Variants in FARS2 observed in about 807,000 individuals in gnomAD.
FARS2 encodes phenylalanyl-tRNA synthetase 2, mitochondrial.
In FARS2, 40 loss-of-function variants were observed where a neutral mutation model predicts 46.4. That is an observed-to-expected ratio of 0.86 (90% confidence interval 0.67 to 1.12). The LOEUF (loss-of-function observed/expected upper bound fraction) is 1.12. Among genes scored for constraint, FARS2 ranks in the 50% most tolerant of loss-of-function variants. The probability of loss-of-function intolerance (pLI) is 0.00; values close to 1 mark genes in which losing one functional copy is unlikely to be tolerated. For missense variants in FARS2, 513 were observed against 567.9 expected (o/e 0.90, Z 0.98); for synonymous variants, 234 against 214.9 (o/e 1.09, Z -0.78).
At chr6:5,410,171 T>TTTTTTA (rs1761860788) in intron 3 of FARS2, among the ~76,000 whole-genome samples, 3 of 138,770 alleles carry the variant, frequency 2.2e-5, no homozygotes, top group South Asian at 2.3e-4. Flanking sequence ...TTTTTTTTTT[T>TTTTTTA]GAGATGGAGT....
At chr6:5,553,787 G>C (rs772563538) in intron 5 of FARS2, among the ~76,000 whole-genome samples, 1 of 152,114 alleles carries the variant, frequency 6.6e-6, no homozygotes, top group Non-Finnish European at 1.5e-5. Flanking sequence ...GGTCTGGGGG[G>C]GTGCCTGGGA....
chr6:5,377,085 T>G (rs901909968), intron 2 of FARS2, among the ~76,000 whole-genome samples: 4 of 152,202 alleles, frequency 2.6e-5, no homozygotes, highest in African/African-American at 9.6e-5. Flanking sequence ...TAGAAAACAT[T>G]TGAGACATTT....
At chr6:5,364,118 T>C (rs1234413381) in intron 1 of FARS2, among the ~76,000 whole-genome samples, 1 of 152,220 alleles carries the variant, frequency 6.6e-6, no homozygotes, top group East Asian at 1.9e-4. Context: ...AGTTCATCCG[T>C]TACCCGATCT....
chr6:5,305,375 A>G (rs532936122), intron 1 of FARS2, among the ~76,000 whole-genome samples: 49 of 152,244 alleles, frequency 3.2e-4, no homozygotes, highest in African/African-American at 1.2e-3. Context: ...GGAAAATACT[A>G]CTTTATCCTC....
intron 1 of FARS2, among the ~76,000 whole-genome samples, chr6:5,262,030 G>T (rs920684776): frequency 6.6e-6 from 1 of 152,166 alleles, no homozygotes; most frequent in African/African-American, 2.4e-5. Context: ...TACTGTGTTT[G>T]CAAAGCACTT....
chr6:5,522,756 G>A (rs564020778), intron 4 of FARS2, among the ~76,000 whole-genome samples: 1 of 152,192 alleles, frequency 6.6e-6, no homozygotes, highest in East Asian at 1.9e-4. Context: ...ATTTAACATT[G>A]GAAAGAAAGG....
intron 3 of FARS2, among the ~76,000 whole-genome samples, chr6:5,415,076 C>CA: frequency 6.6e-6 from 1 of 151,960 alleles, no homozygotes; most frequent in South Asian, 2.1e-4. Context: ...CTTGGCCTCC[C>CA]AAAATGCTGG....
intron 1 of FARS2, among the ~76,000 whole-genome samples, chr6:5,346,986 A>G (rs1275658050): frequency 6.6e-6 from 1 of 150,476 alleles, no homozygotes; most frequent in Non-Finnish European, 1.5e-5. Context: ...CAATCTTGGC[A>G]CACTGAAACC....
chr6:5,346,357 T>C (rs1241289302), intron 1 of FARS2, among the ~76,000 whole-genome samples: 5 of 152,188 alleles, frequency 3.3e-5, no homozygotes, highest in Admixed American at 3.3e-4. Context: ...AATTGCATCA[T>C]TGGAGTCATT....
At chr6:5,738,824 A>T (rs1761114036) in intron 6 of FARS2, among the ~76,000 whole-genome samples, 1 of 152,218 alleles carries the variant, frequency 6.6e-6, no homozygotes, top group African/African-American at 2.4e-5. Context: ...ACTTTAACCA[A>T]AGAGTTGCGT....
chr6:5,622,536 T>C (rs1775827023), intron 6 of FARS2, among the ~76,000 whole-genome samples: 1 of 152,198 alleles, frequency 6.6e-6, no homozygotes, highest in African/African-American at 2.4e-5. Context: ...GGCTCTGCCC[T>C]CATGAATGGG....
chr6:5,403,621 T>A (rs1761389152), intron 2 of FARS2, among the ~76,000 whole-genome samples: 2 of 152,214 alleles, frequency 1.3e-5, no homozygotes, highest in African/African-American at 4.8e-5. Flanking sequence ...ATTTCTGTAT[T>A]TTTTTCAGTA....
intron 4 of FARS2, among the ~76,000 whole-genome samples, chr6:5,469,760 C>T (rs1012998421): frequency 2.0e-5 from 3 of 152,178 alleles, no homozygotes; most frequent in Non-Finnish European, 4.4e-5. Context: ...ATGAACAGAG[C>T]TTTTACAACT....
At chr6:5,538,719 A>C (rs1423039850) in intron 4 of FARS2, among the ~76,000 whole-genome samples, 3 of 152,184 alleles carry the variant, frequency 2.0e-5, no homozygotes, top group Non-Finnish European at 2.9e-5. Flanking sequence ...GGAATAGGCC[A>C]ATGACACAAT....
intron 2 of FARS2, among the ~76,000 whole-genome samples, chr6:5,374,614 A>C (rs1181694750): frequency 6.6e-6 from 1 of 152,054 alleles, no homozygotes; most frequent in Admixed American, 6.6e-5. Context: ...AGACATGTTA[A>C]TATCCCAACT....
At chr6:5,700,286 G>A in intron 6 of FARS2, among the ~76,000 whole-genome samples, 1 of 152,064 alleles carries the variant, frequency 6.6e-6, no homozygotes, top group East Asian at 1.9e-4. Flanking sequence ...TTTTGTTTTA[G>A]TCTTATTGAA....
In FARS2 at chr6:5,444,783, GGC is replaced by G. The variant is rs1554186121; in HGVS notation, c.904+13613_904+13614del. On this transcript the variant is annotated intron_variant, in intron 4 of 6. Coordinates refer to ENST00000274680, the MANE Select transcript of FARS2 (RefSeq NM_006567.5). ...CAGGCTCATGGAAACAGTAAAATGGGGCGGGGGGGAACTGACCTAATTTTTGA... is the reference window on the plus strand; with the variant it reads ...CAGGCTCATGGAAACAGTAAAATGGGGGGGGGGAACTGACCTAATTTTTGA... Among the ~76,000 whole-genome samples, 59 of 80,358 alleles carry G rather than the reference GGC, an allele frequency of 7.3e-4. No individual in the cohort carries two copies. The Middle Eastern group carries it at 0.018, about 25-fold the overall frequency. The allele number at this position is 80,358 out of a possible 152,430, so 52.7% of individuals were successfully genotyped here. A position where few individuals can be genotyped will look rare whatever the true frequency, so the allele number is the denominator to read the frequency against.
At position 5,511,485 on chromosome 6, in the gene FARS2, A is replaced by C. The variant is rs151140095; in HGVS notation, c.905-33695A>C. Among the ~76,000 whole-genome samples, 10 of 152,374 alleles carry C rather than the reference A, an allele frequency of 6.6e-5. No individual in the cohort carries two copies. In the East Asian group the frequency reaches 1.9e-3, roughly 29 times the overall value. ...TAATCACAAATGGGCAAGTTTCCCA[A>C]ATAATTCCAGGAATAGGTACAATTA... On this transcript the variant is annotated intron_variant, in intron 4 of 6. Transcript: ENST00000274680.
At chr6:5,347,455 A>G (rs1024610705) in intron 1 of FARS2, among the ~76,000 whole-genome samples, 3 of 151,990 alleles carry the variant, frequency 2.0e-5, no homozygotes, top group Non-Finnish European at 2.9e-5. Context: ...TCACTTATCA[A>G]ATGTTTTTGA....
Sources: allele counts gnomAD v4.1 joint callset (sites outside exome capture counted in the v4.1 genomes callset), GRCh38; gene constraint gnomAD v4.1.1; transcripts MANE v1.5; gene names NCBI Gene and HGNC (gene_info 2026-07-23, HGNC 2026-07-21).